The following MYO16 variants were observed in gnomAD, a reference collection of about 807,000 sequenced individuals.
MYO16 encodes the protein unconventional myosin-XVI.
A neutral mutation model predicts 205.3 loss-of-function variants in MYO16; 94 were observed. The observed-to-expected ratio is 0.46, with a 90% CI of 0.39 to 0.54. The LOEUF (loss-of-function observed/expected upper bound fraction) is 0.54. Ranked by LOEUF, MYO16 falls within the 20% of genes least tolerant of loss-of-function variation. The probability of loss-of-function intolerance (pLI) is 0.00; values close to 1 mark genes in which losing one functional copy is unlikely to be tolerated. For synonymous variants in MYO16, 988 were observed against 954.0 expected, an observed-to-expected ratio of 1.04 and a Z score of -0.66; for missense variants, 2,315 against 2,387.5, an observed-to-expected ratio of 0.97 and a Z score of 0.63.
intron 9 of MYO16, among the ~76,000 whole-genome samples, chr13:108,841,114 A>G (rs1250442311): frequency 6.6e-6 from 1 of 152,206 alleles, no homozygotes; most frequent in East Asian, 1.9e-4. Flanking sequence ...ACAAAGTTGG[A>G]TGACTCACAT....
Position 108,775,735 on chromosome 13 carries a change from A to G in MYO16, c.508-9900A>G, listed in dbSNP as rs538483746. Among the ~76,000 whole-genome samples, 6 of 152,296 alleles carry G rather than the reference A, an allele frequency of 3.9e-5. 1 individual carries two copies. The highest frequency in any genetic ancestry group is 1.4e-4 in the African/African-American group (6 of 41,566). On this transcript the variant is annotated intron_variant, in intron 4 of 34. Transcript: ENST00000457511. The stretch of plus-strand genomic sequence containing the variant: ...CTTCTAAGTTAGCTAGAGTGATGCC[A>G]AAAATCAGCTGTGGGTCTTCTGAGC...
intron 14 of MYO16, among the ~76,000 whole-genome samples, chr13:108,893,182 A>G (rs1010059371): frequency 6.6e-6 from 1 of 152,224 alleles, no homozygotes; most frequent in Admixed American, 6.5e-5. Flanking sequence ...ATCAGTCATT[A>G]TATCTGTAAA....
At chr13:109,027,480 G>A (rs1886401911) in intron 23 of MYO16, among the ~76,000 whole-genome samples, 1 of 152,076 alleles carries the variant, frequency 6.6e-6, no homozygotes. Flanking sequence ...ACATCGTGGG[G>A]TGACATTCCT....
chr13:108,684,799 C>G (rs941861258), intron 2 of MYO16, among the ~76,000 whole-genome samples: 1 of 152,092 alleles, frequency 6.6e-6, no homozygotes, highest in Non-Finnish European at 1.5e-5. Context: ...AGAGAGTTCC[C>G]GGATTACTGA....
intron 17 of MYO16, among the ~76,000 whole-genome samples, chr13:108,960,887 T>G (rs1471224332): frequency 6.6e-6 from 1 of 152,244 alleles, no homozygotes; most frequent in African/African-American, 2.4e-5. Context: ...ATTCTCTTAC[T>G]TCCTGCTACC....
the MYO16 span, among the ~76,000 whole-genome samples, chr13:108,547,107 C>T: frequency 6.6e-6 from 1 of 151,900 alleles, no homozygotes; most frequent in Non-Finnish European, 1.5e-5. Context: ...CCCATCTCTA[C>T]TAAAAATACA....
rs1886053167 is a variant in MYO16, at chr13:109,022,183, ATT to A, written c.2796+2273_2796+2274del. Among the ~76,000 whole-genome samples the A allele has an allele frequency of 1.4e-5, 2 of 140,970 alleles. 1 individual carries two copies. Among genetic ancestry groups the A allele is most frequent in the African/African-American group, 5.3e-5 (2 of 37,942 alleles). The allele number at this position is 140,970 out of a possible 152,430, so 92.5% of individuals were successfully genotyped here. On this transcript the variant is annotated intron_variant, in intron 23 of 34. Transcript: ENST00000457511. The stretch of plus-strand genomic sequence containing the variant: ...TATATATACAAATATATATTTATAT[ATT>A]ATATATTTATAATGTATTTATAATT...
intron 6 of MYO16, among the ~76,000 whole-genome samples, chr13:108,801,905 G>T (rs898105041): frequency 1.3e-5 from 2 of 152,138 alleles, no homozygotes; most frequent in Non-Finnish European, 2.9e-5. Context: ...AATATTAACT[G>T]TATTTGAATA....
At chr13:108,566,730 GAA>G in the MYO16 span, among the ~76,000 whole-genome samples, 96 of 129,216 alleles carry the variant, frequency 7.4e-4, no homozygotes, top group East Asian at 3.9e-3. Flanking sequence ...AGGAAGGAAG[GAA>G]GGGAGGAAGG....
chr13:109,049,949 T>TGC (rs1887189933), intron 24 of MYO16, among the ~76,000 whole-genome samples: 1 of 143,974 alleles, frequency 6.9e-6, no homozygotes, highest in African/African-American at 2.5e-5. Flanking sequence ...TGTGTGTGTG[T>TGC]GTGTGTGTGT....
At chr13:109,011,587 T>G (rs1230137154) in intron 22 of MYO16, among the ~76,000 whole-genome samples, 1 of 150,738 alleles carries the variant, frequency 6.6e-6, no homozygotes, top group Non-Finnish European at 1.5e-5. Flanking sequence ...CGATCTCGGC[T>G]CACTGCAGCC....
intron 11 of MYO16, 55 bp from the exon 12 acceptor site, chr13:108,866,122 G>T: frequency 4.6e-6 from 5 of 1,096,794 alleles, no homozygotes; most frequent in East Asian, 2.7e-5. Context: ...GATTTTTATT[G>T]TTTAAAGATG....
rs772505530 is a variant in MYO16 at position 109,125,105 on chromosome 13, A to C, written c.3536-7A>C. 1.2e-6 allele frequency: 2 copies of C among 1,613,880 alleles called. No homozygotes were observed. The highest frequency in any genetic ancestry group is 1.7e-6 in the Non-Finnish European group (2 of 1,179,886). ...CCATTTACTAACCCATGATCCTTCT[A>C]TAAAAGTTATCAGAGGATTTTTAGC... On this transcript the variant is annotated splice_polypyrimidine_tract_variant and splice_region_variant and intron_variant, in intron 29 of 34. Coordinates refer to ENST00000457511, the MANE Select transcript of MYO16 (RefSeq NM_001198950.3). The surrounding 1 kb of genome is among the most constrained non-coding windows in gnomAD (Gnocchi z 4.0).
Position 109,179,597 on chromosome 13 carries a change from G to C in MYO16, c.5379G>C (p.Ser1793=), listed in dbSNP as rs371399500. 2 of 1,613,874 alleles carry C rather than the reference G, an allele frequency of 1.2e-6. No individual in the cohort carries two copies. Among genetic ancestry groups the C allele is most frequent in the Non-Finnish European group, 1.7e-6 (2 of 1,179,802 alleles). Residue 1793 remains serine, a synonymous_variant, in exon 34 of 35, where the codon TCG becomes TCC. Transcript: ENST00000457511. ...SRLSISGTGT[S]TFQRHRDSHT... The stretch of plus-strand genomic sequence containing the variant: ...TGTCTATAAGTGGCACAGGGACTTC[G>C]ACATTTCAAAGACACAGGGACAGTC...
At chr13:108,699,068 CTCTCTCTG>C (rs921092355) in intron 2 of MYO16, among the ~76,000 whole-genome samples, 3 of 111,788 alleles carry the variant, frequency 2.7e-5, no homozygotes, top group African/African-American at 5.9e-5. Flanking sequence ...AAAAGACTGT[CTCTCTCTG>C]TCTCTCTCTC....
chr13:109,165,899 C>T (rs1878637914), intron 33 of MYO16, among the ~76,000 whole-genome samples: 3 of 151,944 alleles, frequency 2.0e-5, no homozygotes, highest in Admixed American at 6.6e-5. Context: ...GTGTTCTTCC[C>T]AAGAGTCAGA....
At chr13:109,136,074 C>T (rs143184451) in intron 31 of MYO16, among the ~76,000 whole-genome samples, 2 of 147,276 alleles carry the variant, frequency 1.4e-5, no homozygotes, top group Non-Finnish European at 3.1e-5. Context: ...TCCTTCCTTC[C>T]TTCTTTCCTT....
At chr13:108,910,941 C>T (rs1196301608) in intron 16 of MYO16, among the ~76,000 whole-genome samples, 2 of 151,610 alleles carry the variant, frequency 1.3e-5, no homozygotes, top group Non-Finnish European at 2.9e-5. Context: ...TGATTTATGG[C>T]TTATTGGGTG....
intron 27 of MYO16, among the ~76,000 whole-genome samples, chr13:109,066,992 G>A (rs924126867): frequency 1.3e-5 from 2 of 152,082 alleles, no homozygotes; most frequent in African/African-American, 4.8e-5. Context: ...CCACTCATTC[G>A]TTCATCATTC....
Sources: allele counts gnomAD v4.1 joint callset (sites outside exome capture counted in the v4.1 genomes callset), GRCh38; gene constraint gnomAD v4.1.1; non-coding constraint Gnocchi (gnomAD v3.1); transcripts MANE v1.5; gene names NCBI Gene and HGNC (gene_info 2026-07-23, HGNC 2026-07-21).